Variants in ITGA2B observed in about 807,000 individuals in gnomAD.
ITGA2B encodes the protein integrin alpha-IIb.
Under a neutral mutation model 142.0 loss-of-function variants are expected in ITGA2B, and 91 were observed. The observed-to-expected ratio is 0.64, with a 90% CI of 0.54 to 0.76. The LOEUF is 0.76. Ranked by LOEUF, ITGA2B falls within the 30% of genes least tolerant of loss-of-function variation. ITGA2B has a pLI of 0.00. For synonymous variants in ITGA2B, 536 were observed against 567.2 expected (o/e 0.94, Z 0.78); for missense variants, 1,231 against 1,350.8 (o/e 0.91, Z 1.39).
At chr17:44,376,760 G>A (rs1050285564) in intron 22 of ITGA2B, among the ~76,000 whole-genome samples, 4 of 151,964 alleles carry the variant, frequency 2.6e-5, no homozygotes, top group Non-Finnish European at 5.9e-5. Context: ...TTGTAGGTGC[G>A]CACCACCATG....
chr17:44,384,227 G>C, intron 9 of ITGA2B, 84 bp downstream of exon 9: 1 of 1,589,608 alleles, frequency 6.3e-7, no homozygotes, highest in Non-Finnish European at 8.6e-7. Flanking sequence ...GTGGAGGCGG[G>C]GCGGGGGTGG....
rs1485134607 is a variant in ITGA2B, at chr17:44,384,101, C to T, written c.929G>A (p.Arg310Gln). The change falls in exon 10 of 30, where the codon CGG becomes CAG. Residue 310 changes from arginine to glutamine, a missense_variant. Arg to Gln is a conservative substitution (Grantham distance 43). Coordinates refer to ENST00000262407, the MANE Select transcript of ITGA2B (RefSeq NM_000419.5). ...ILDSYYQRLH[R>Q]LRGEQMASYF... ...GGCCCCCACCTGCTCTCCGCGCAGC[C>T]GATGCAGCCTCTGGTAGTAGGAATC... The T allele has an allele frequency of 6.2e-7, 1 of 1,613,740 alleles. No homozygotes were observed.
At chr17:44,374,583 A>G (rs1321981445) in intron 28 of ITGA2B, 76 bp downstream of exon 28, 120 of 1,532,328 alleles carry the variant, frequency 7.8e-5, no homozygotes. Flanking sequence ...CACCCCTCAG[A>G]CTTTTCTGGC....
Position 44,383,604 on chromosome 17 carries a change from C to T in ITGA2B, c.1099G>A (p.Gly367Ser). Reference protein sequence around the residue: ...GRVYLFLQPRGPHALGAPSLL... With the variant: ...GRVYLFLQPRSPHALGAPSLL... ...CTGGGGGCACCCAGCGCGTGGGGGC[C>T]TCGCGGCTGCAGGAACAAATACACA... The change falls in exon 12 of 30, where the codon GGC becomes AGC. Residue 367 changes from glycine to serine, a missense_variant. Gly to Ser is a moderately conservative substitution (Grantham distance 56, BLOSUM62 0). Coordinates refer to ENST00000262407, the MANE Select transcript of ITGA2B (RefSeq NM_000419.5). The T allele has an allele frequency of 1.2e-6, 2 of 1,609,292 alleles. No individual in the cohort carries two copies. The highest frequency in any genetic ancestry group is 1.7e-6 in the Non-Finnish European group (2 of 1,178,640).
In ITGA2B at chr17:44,384,145, G is replaced by A. The variant is rs1184186982; in HGVS notation, c.892-7C>T. On this transcript the variant is annotated splice_region_variant and splice_polypyrimidine_tract_variant and intron_variant, in intron 9 of 29. Transcript: ENST00000262407. ...AGGAATCCAAAATTTCCACCTGCACGGACAGCGCAGGCGAGAGCATCATTC... is the reference window on the plus strand; with the variant it reads ...AGGAATCCAAAATTTCCACCTGCACAGACAGCGCAGGCGAGAGCATCATTC... The A allele has an allele frequency of 2.5e-6, 4 of 1,612,970 alleles. No homozygotes were observed. Among genetic ancestry groups the A allele is most frequent in the Admixed American group, 3.3e-5 (2 of 59,940 alleles).
Position 44,389,587 on chromosome 17 carries a change from A to C in ITGA2B, c.-114T>G. On this transcript the variant is annotated 5_prime_UTR_variant, in exon 1 of 30. Transcript: ENST00000262407. ...AACTGGAACCCCAAGTAACTTGCTG[A>C]GCAACGGGCAGAGCAAAGGGCTATA... The C allele has an allele frequency of 8.3e-7, 1 of 1,202,360 alleles. No homozygotes were observed. The highest frequency in any genetic ancestry group is 1.2e-6 in the Non-Finnish European group (1 of 843,524). 74.5% of individuals were successfully genotyped at this position (1,202,360 alleles called of 1,614,324 possible).
chr17:44,376,957 G>A (rs554227270), intron 22 of ITGA2B, 52 bp downstream of exon 22: 13 of 1,447,946 alleles, frequency 9.0e-6, no homozygotes, highest in East Asian at 2.4e-5. Flanking sequence ...GGCTCTGCAC[G>A]GGGGTCAGAC....
rs2048534441 is a variant in ITGA2B, at chr17:44,375,616, G to T, written c.2702C>A (p.Ser901Ter). ...QIFLPEPEQP[S>*]RLQDPVLVSC... ...TACGAGAACTGGATCCTGAAGCCTC[G>T]AGGGCTGCTCGGGCTCTGGCAGGAA... The change falls in exon 26 of 30, where the codon TCG becomes TAG. Residue 901 changes from serine (S) to a stop codon, truncating the protein, a stop_gained. Transcript: ENST00000262407. LOFTEE classifies it high-confidence loss of function. The T allele has an allele frequency of 6.2e-7, 1 of 1,614,022 alleles. No individual in the cohort carries two copies.
chr17:44,385,467 G>A, intron 4 of ITGA2B, 84 bp downstream of exon 4: 1 of 1,525,016 alleles, frequency 6.6e-7, no homozygotes, highest in Non-Finnish European at 8.8e-7. Context: ...CCAAAGCAAG[G>A]GCTGCGGCGC....
At position 44,374,715 on chromosome 17, in the gene ITGA2B, C is replaced by T. The variant is rs2048524314; in HGVS notation, c.2887G>A (p.Val963Met). 7 of 1,614,108 alleles carry T rather than the reference C, an allele frequency of 4.3e-6. No individual in the cohort carries two copies. The highest frequency in any genetic ancestry group is 5.9e-6 in the Non-Finnish European group (7 of 1,180,024). ...FVLQSHAWFN[V>M]SSLPYAVPPL... ...GGCACCGCATAGGGGAGGGAGGACA[C>T]GTTGAACCATGCGTGCGACTGCAGC... The change falls in exon 28 of 30, where the codon GTG becomes ATG. Residue 963 changes from valine to methionine, a missense_variant. By Grantham distance (21) the Val-to-Met change is conservative. Transcript: ENST00000262407.
At chr17:44,377,152 AT>A in intron 21 of ITGA2B, 64 bp from the exon 22 acceptor site, 1 of 1,212,196 alleles carries the variant, frequency 8.2e-7, no homozygotes, top group Non-Finnish European at 1.2e-6. Flanking sequence ...CCTGCCCTGA[AT>A]GTGGCCTCCA....
At chr17:44,386,913 AC>A (rs1430579421) in intron 1 of ITGA2B, among the ~76,000 whole-genome samples, 1 of 152,146 alleles carries the variant, frequency 6.6e-6, no homozygotes, top group African/African-American at 2.4e-5. Context: ...CCCCTCAGCC[AC>A]CCTAGTAGCT....
At chr17:44,376,945 G>A (rs2048549393) in intron 22 of ITGA2B, 64 bp downstream of exon 22, 2 of 1,333,084 alleles carry the variant, frequency 1.5e-6, no homozygotes, top group African/African-American at 2.9e-5. Context: ...AGGGACCTGA[G>A]GGGCTCTGCA....
intron 11 of ITGA2B, 79 bp downstream of exon 11, chr17:44,383,815 G>A: frequency 6.3e-7 from 1 of 1,583,400 alleles, no homozygotes; most frequent in Non-Finnish European, 8.6e-7. Context: ...CGTGAGACTA[G>A]GGCTAGGAAA....
chr17:44,375,460 T>TTGAAGTG (rs759546742), intron 26 of ITGA2B, 131 bp downstream of exon 26: 3 of 1,123,576 alleles, frequency 2.7e-6, no homozygotes, highest in Non-Finnish European at 3.8e-6. Flanking sequence ...CCATGTTCAC[T>TTGAAGTG]TGAAGTGCTC....
At position 44,386,192 on chromosome 17, in the gene ITGA2B, G is replaced by A. The variant is rs1193214202; in HGVS notation, c.189-61C>T. ...CCAGCGTATCCCAGGCCCTGGCGCC[G>A]GCGCTGGGAGCACTGCCCGGAAGGC... On this transcript the variant is annotated intron_variant, in intron 1 of 29. Transcript: ENST00000262407. 4.5e-6 allele frequency: 7 copies of A among 1,540,604 alleles called. No homozygotes were observed. In the East Asian group the frequency reaches 9.7e-5, roughly 21 times the overall value.
intron 1 of ITGA2B, among the ~76,000 whole-genome samples, chr17:44,387,126 G>A (rs1362040350): frequency 6.6e-6 from 1 of 152,154 alleles, no homozygotes; most frequent in Non-Finnish European, 1.5e-5. Context: ...TATAGGAGGG[G>A]AAATCAGCAG....
At chr17:44,384,165 T>A (rs2048622456) in intron 9 of ITGA2B, 27 bp from the exon 10 acceptor site, 1 of 1,610,704 alleles carries the variant, frequency 6.2e-7, no homozygotes, top group Non-Finnish European at 8.5e-7. Context: ...GGCGAGAGCA[T>A]CATTCTTGTA....
At position 44,385,533 on chromosome 17, in the gene ITGA2B, G is replaced by A. The variant is rs761757122; in HGVS notation, c.574+18C>T. ...AGCCGTCGCGAGTGGGCGGGGCCAG[G>A]TCGTAGCTGGCGCTTACTAAAATCA... is the stretch of plus-strand genomic sequence containing the variant. On this transcript the variant is annotated intron_variant, in intron 4 of 29. Transcript: ENST00000262407. 52 of 1,545,040 alleles carry A rather than the reference G, an allele frequency of 3.4e-5. No individual in the cohort carries two copies. In the East Asian group the frequency reaches 9.1e-4, roughly 27 times the overall value.
Sources: gnomAD v4.1 joint callset for allele counts (sites outside exome capture counted in the v4.1 genomes callset) on GRCh38, gnomAD v4.1.1 for gene constraint, MANE v1.5 for transcripts, NCBI Gene and HGNC (gene_info 2026-07-23, HGNC 2026-07-21) for gene names.